The following KHDRBS2 variants were observed in gnomAD, a reference collection of about 807,000 sequenced individuals.
The protein encoded by KHDRBS2 is KH RNA binding domain containing, signal transduction associated 2.
A neutral mutation model predicts 44.3 loss-of-function variants in KHDRBS2; 26 were observed. That is an observed-to-expected ratio of 0.59 (90% CI 0.43 to 0.81). The LOEUF (loss-of-function observed/expected upper bound fraction) is 0.81. Among genes scored for constraint, KHDRBS2 ranks in the 40% least tolerant of loss-of-function variants. KHDRBS2 has a pLI of 0.00. For synonymous variants in KHDRBS2, 194 were observed against 151.1 expected, an observed-to-expected ratio of 1.28 and a Z score of -2.08; for missense variants, 476 against 433.1, an observed-to-expected ratio of 1.10 and a Z score of -0.88.
intron 2 of KHDRBS2, among the ~76,000 whole-genome samples, chr6:62,134,128 A>G (rs7750316): frequency 0.61 from 92,554 of 151,982 alleles, 28,390 homozygotes; most frequent in Non-Finnish European, 0.62. Context: ...AGACCTTTCC[A>G]GCAGCACCTC....
At chr6:62,137,347 T>C (rs1811797999) in intron 2 of KHDRBS2, among the ~76,000 whole-genome samples, 1 of 152,174 alleles carries the variant, frequency 6.6e-6, no homozygotes, top group Admixed American at 6.5e-5. Flanking sequence ...TTGTGCCTAA[T>C]TGTTCTTTTA....
chr6:62,241,626 G>C (rs578053435), intron 1 of KHDRBS2, among the ~76,000 whole-genome samples: 1 of 152,002 alleles, frequency 6.6e-6, no homozygotes, highest in African/African-American at 2.4e-5. Flanking sequence ...CAGATGGTTT[G>C]ACTCTCGGTT....
intron 2 of KHDRBS2, among the ~76,000 whole-genome samples, chr6:62,057,840 A>G (rs1300881683): frequency 2.0e-5 from 3 of 151,938 alleles, no homozygotes; most frequent in African/African-American, 7.2e-5. Context: ...TAACATGTCT[A>G]TTAACCAAAA....
chr6:62,208,846 C>A (rs1235947840), intron 1 of KHDRBS2, among the ~76,000 whole-genome samples: 1 of 152,066 alleles, frequency 6.6e-6, no homozygotes, highest in Non-Finnish European at 1.5e-5. Flanking sequence ...CGTTGAGAAC[C>A]GTTTCATAGA....
intron 6 of KHDRBS2, among the ~76,000 whole-genome samples, chr6:61,869,980 T>TTTG (rs1798416337): frequency 9.6e-6 from 1 of 103,960 alleles, no homozygotes; most frequent in Non-Finnish European, 2.0e-5. Flanking sequence ...TTTTTTTTTT[T>TTTG]TTTTTTTCCC....
intron 4 of KHDRBS2, among the ~76,000 whole-genome samples, chr6:61,925,983 T>C (rs1808892563): frequency 1.3e-5 from 2 of 152,170 alleles, no homozygotes; most frequent in Admixed American, 6.6e-5. Flanking sequence ...ATTGACATTT[T>C]AATAATGAGG....
intron 1 of KHDRBS2, among the ~76,000 whole-genome samples, chr6:62,273,526 G>T (rs1213843099): frequency 6.6e-6 from 1 of 152,106 alleles, no homozygotes; most frequent in Non-Finnish European, 1.5e-5. Flanking sequence ...TTCTAGTAAA[G>T]TCCTTTTAGT....
At chr6:62,101,078 T>C (rs547003055) in intron 2 of KHDRBS2, among the ~76,000 whole-genome samples, 3 of 152,340 alleles carry the variant, frequency 2.0e-5, no homozygotes, top group Non-Finnish European at 2.9e-5. Context: ...TTATAGCTCA[T>C]TCATAATGTG....
intron 2 of KHDRBS2, among the ~76,000 whole-genome samples, chr6:62,124,305 G>T (rs1368319217): frequency 1.3e-5 from 2 of 152,052 alleles, no homozygotes; most frequent in Non-Finnish European, 2.9e-5. Flanking sequence ...TCATAGTTCT[G>T]TCATGTCTGC....
At chr6:62,173,748 C>T (rs1231225860) in intron 2 of KHDRBS2, among the ~76,000 whole-genome samples, 3 of 152,166 alleles carry the variant, frequency 2.0e-5, no homozygotes, top group Middle Eastern at 3.4e-3. Flanking sequence ...CCCTGAGAAG[C>T]AAGGTTGGCT....
At chr6:61,624,091 T>C in the KHDRBS2 span, among the ~76,000 whole-genome samples, 17 of 152,128 alleles carry the variant, frequency 1.1e-4, no homozygotes, top group African/African-American at 4.1e-4. Context: ...GAAAGACATA[T>C]GGGAGAGGAT....
At chr6:62,104,138 T>C (rs1802568370) in intron 2 of KHDRBS2, among the ~76,000 whole-genome samples, 1 of 152,170 alleles carries the variant, frequency 6.6e-6, no homozygotes. Context: ...ATTTAGAATA[T>C]CAGTAAGGTA....
rs749569593 is a variant in KHDRBS2 at position 62,285,931 on chromosome 6, A to G, written c.18T>C (p.Tyr6=). ...CTTTCTCTGCCATCAGCTCAGGCAAATATTTCTCCTCTTCCATAGCGCGGA... is the reference window on the plus strand; with the variant it reads ...CTTTCTCTGCCATCAGCTCAGGCAAGTATTTCTCCTCTTCCATAGCGCGGA... The part of the protein sequence containing the change: MEEEK[Y]LPELMAEKDS... Residue 6 remains tyrosine, a synonymous_variant, in exon 1 of 9, where the codon TAT becomes TAC. Transcript: ENST00000281156. 6.2e-7 allele frequency: 1 copy of G among 1,612,132 alleles called. No individual in the cohort carries two copies. The highest frequency in any genetic ancestry group is 8.5e-7 in the Non-Finnish European group (1 of 1,178,658).
At chr6:62,106,997 G>A (rs1353166369) in intron 2 of KHDRBS2, among the ~76,000 whole-genome samples, 2 of 152,088 alleles carry the variant, frequency 1.3e-5, no homozygotes, top group Non-Finnish European at 2.9e-5. Context: ...TACTGAATGG[G>A]CAAAAACTGG....
chr6:62,029,951 C>A (rs1314182675), intron 3 of KHDRBS2, among the ~76,000 whole-genome samples: 1 of 151,938 alleles, frequency 6.6e-6, no homozygotes, highest in Non-Finnish European at 1.5e-5. Flanking sequence ...CAGATACTAT[C>A]ATCTGAAATA....
chr6:62,265,637 C>A (rs1270184228), intron 1 of KHDRBS2, among the ~76,000 whole-genome samples: 1 of 151,964 alleles, frequency 6.6e-6, no homozygotes, highest in African/African-American at 2.4e-5. Context: ...ATAAATATTA[C>A]AATAGTAAAA....
chr6:61,944,165 A>G (rs530404320), intron 4 of KHDRBS2, among the ~76,000 whole-genome samples: 1 of 152,198 alleles, frequency 6.6e-6, no homozygotes, highest in Non-Finnish European at 1.5e-5. Context: ...ACTATTGGGT[A>G]TCCAAAGGAA....
chr6:61,682,934 C>T (rs1002003561), intron 8 of KHDRBS2, among the ~76,000 whole-genome samples: 2 of 151,824 alleles, frequency 1.3e-5, no homozygotes, highest in Admixed American at 6.6e-5. Context: ...ATTTACACCA[C>T]GTTTATGAGA....
In KHDRBS2 at chr6:61,902,113, C is replaced by T. The variant is rs147454834; in HGVS notation, c.484-742G>A. ...TGGAATTACAGGCACACCACCATGC[C>T]CGGCTAATTTTTGTATTTTTGGTAG... On this transcript the variant is annotated intron_variant, in intron 4 of 8. Transcript: ENST00000281156. Among the ~76,000 whole-genome samples, 813 of 152,172 alleles carry T rather than the reference C, an allele frequency of 5.3e-3. 3 individuals carry two copies. Among genetic ancestry groups the T allele is most frequent in the Non-Finnish European group, 9.1e-3 (616 of 68,020 alleles).
Sources: gnomAD v4.1 joint callset for allele counts (sites outside exome capture counted in the v4.1 genomes callset) on GRCh38, gnomAD v4.1.1 for gene constraint, MANE v1.5 for transcripts, NCBI Gene and HGNC (gene_info 2026-07-23, HGNC 2026-07-21) for gene names.